The following CDH13 variants were observed in gnomAD, a reference collection of about 807,000 sequenced individuals.
The protein encoded by CDH13 is cadherin-13.
CDH13 carries 24 observed loss-of-function variants against 63.8 expected under a neutral mutation model. That is an observed-to-expected ratio of 0.38 (90% CI 0.27 to 0.53). The LOEUF (loss-of-function observed/expected upper bound fraction) is 0.53, where lower values mean the gene tolerates loss of function less well. CDH13 is among the 20% of genes least tolerant of loss of function. The pLI, the probability that CDH13 is intolerant of heterozygous loss-of-function variation, is 0.85. For synonymous variants in CDH13, 503 were observed against 355.3 expected, an observed-to-expected ratio of 1.42 and a Z score of -4.67; for missense variants, 1,049 against 903.1, an observed-to-expected ratio of 1.16 and a Z score of -2.07.
chr16:82,962,198 T>C (rs1439695423), intron 2 of CDH13, among the ~76,000 whole-genome samples: 2 of 152,180 alleles, frequency 1.3e-5, no homozygotes, highest in East Asian at 1.9e-4. Flanking sequence ...CAAGTGGCCT[T>C]GTAAGAGTCA....
chr16:83,382,498 A>G (rs75903166), intron 6 of CDH13, among the ~76,000 whole-genome samples: 16,447 of 152,076 alleles, frequency 0.11, 1,169 homozygotes, highest in Non-Finnish European at 0.16. Flanking sequence ...GTATGTATCT[A>G]TGTGATGTCC....
chr16:83,746,857 A>C (rs936273209), intron 10 of CDH13, among the ~76,000 whole-genome samples: 3 of 152,142 alleles, frequency 2.0e-5, no homozygotes, highest in Non-Finnish European at 4.4e-5. Context: ...ATTATTTCTT[A>C]CTCTATGCAT....
At chr16:83,135,037 G>T (rs1315987369) in intron 4 of CDH13, among the ~76,000 whole-genome samples, 1 of 152,186 alleles carries the variant, frequency 6.6e-6, no homozygotes. Flanking sequence ...AGGCATTTCA[G>T]CTTGAATTAG....
chr16:82,739,142 C>G lies in CDH13; in HGVS notation c.45+112005C>G, dbSNP rs972701252. 2.0e-4 allele frequency among the ~76,000 whole-genome samples: 31 copies of G among 152,196 alleles called. 1 individual carries two copies. The highest frequency in any genetic ancestry group is 1.8e-3 in the Admixed American group (28 of 15,278). On this transcript the variant is annotated intron_variant, in intron 1 of 13. Coordinates refer to ENST00000567109, the MANE Select transcript of CDH13 (RefSeq NM_001257.5). The stretch of plus-strand genomic sequence containing the variant: ...TCATTCTTTAGTTAGAATTGCATAA[C>G]ATTTTATTCTTTACAATAAAGATAA...
intron 6 of CDH13, among the ~76,000 whole-genome samples, chr16:83,360,428 C>A (rs2091139914): frequency 6.6e-6 from 1 of 151,946 alleles, no homozygotes; most frequent in South Asian, 2.1e-4. Context: ...TTGATTGTTT[C>A]ATGGTAGATC....
At chr16:83,217,265 T>A in intron 4 of CDH13, 80 bp from the exon 5 acceptor site, 1 of 1,415,170 alleles carries the variant, frequency 7.1e-7, no homozygotes, top group Non-Finnish European at 9.9e-7. Context: ...ATTAGTGAAT[T>A]GCTCATGGGA....
intron 3 of CDH13, among the ~76,000 whole-genome samples, chr16:83,033,025 C>T (rs751245742): frequency 6.6e-6 from 1 of 151,970 alleles, no homozygotes; most frequent in Non-Finnish European, 1.5e-5. Context: ...GTATATGGTG[C>T]TGTATGTGTA....
intron 6 of CDH13, among the ~76,000 whole-genome samples, chr16:83,405,749 A>G (rs897023920): frequency 1.3e-5 from 2 of 152,222 alleles, no homozygotes; most frequent in African/African-American, 4.8e-5. Flanking sequence ...GTGCCATGTT[A>G]TCTAATTTTT....
At chr16:83,016,624 G>A (rs1238818985) in intron 2 of CDH13, among the ~76,000 whole-genome samples, 1 of 152,100 alleles carries the variant, frequency 6.6e-6, no homozygotes, top group Non-Finnish European at 1.5e-5. Context: ...TCAAAGCCTT[G>A]TGCATTCCCT....
chr16:83,467,723 G>A (rs112013695), intron 6 of CDH13, among the ~76,000 whole-genome samples: 3 of 152,124 alleles, frequency 2.0e-5, no homozygotes, highest in Non-Finnish European at 4.4e-5. Context: ...CAGCCCCCAA[G>A]CAGAGATGCT....
At chr16:82,802,485 C>G (rs2036915002) in intron 1 of CDH13, among the ~76,000 whole-genome samples, 1 of 152,158 alleles carries the variant, frequency 6.6e-6, no homozygotes, top group Non-Finnish European at 1.5e-5. Flanking sequence ...CTCCTTTTCT[C>G]TGGTGGTGCT....
At chr16:83,732,805 A>C (rs1389598951) in intron 10 of CDH13, among the ~76,000 whole-genome samples, 1 of 152,310 alleles carries the variant, frequency 6.6e-6, no homozygotes, top group Middle Eastern at 3.4e-3. Flanking sequence ...TGCACTTGTC[A>C]TCACAGAGCC....
intron 2 of CDH13, among the ~76,000 whole-genome samples, chr16:82,910,611 T>C (rs2041800883): frequency 6.6e-6 from 1 of 152,180 alleles, no homozygotes; most frequent in Admixed American, 6.5e-5. Context: ...TGTTGGAAAA[T>C]TCGTTCTGTC....
At chr16:83,362,433 C>G (rs1597833592) in intron 6 of CDH13, among the ~76,000 whole-genome samples, 1 of 152,208 alleles carries the variant, frequency 6.6e-6, no homozygotes, top group Admixed American at 6.5e-5. Context: ...GTCTTTATCT[C>G]TTTTTGCCCT....
chr16:83,264,625 T>A (rs191661860), intron 5 of CDH13, among the ~76,000 whole-genome samples: 1 of 151,934 alleles, frequency 6.6e-6, no homozygotes, highest in Non-Finnish European at 1.5e-5. Context: ...CTTTTAAGGT[T>A]CTTTTTGATT....
intron 3 of CDH13, among the ~76,000 whole-genome samples, chr16:83,116,688 A>T (rs2035314453): frequency 6.6e-6 from 1 of 152,242 alleles, no homozygotes; most frequent in African/African-American, 2.4e-5. Flanking sequence ...TTCTAAAATT[A>T]TATGTGGTGA....
intron 10 of CDH13, among the ~76,000 whole-genome samples, chr16:83,736,072 C>G (rs1015329780): frequency 3.3e-5 from 5 of 152,166 alleles, no homozygotes; most frequent in Non-Finnish European, 1.5e-5. Flanking sequence ...ATTTCTGCTG[C>G]TTAGAAAAAG....
intron 1 of CDH13, among the ~76,000 whole-genome samples, chr16:82,792,333 A>G (rs1348204148): frequency 1.3e-5 from 2 of 152,192 alleles, no homozygotes; most frequent in African/African-American, 4.8e-5. Flanking sequence ...TACAAGGTAA[A>G]AAACACACTA....
chr16:83,715,876 G>C (rs1908822450), intron 10 of CDH13, among the ~76,000 whole-genome samples: 1 of 152,146 alleles, frequency 6.6e-6, no homozygotes, highest in Non-Finnish European at 1.5e-5. Context: ...AAGACGAAAT[G>C]CCTTCCTGGG....
Sources: allele counts gnomAD v4.1 joint callset (sites outside exome capture counted in the v4.1 genomes callset), GRCh38; gene constraint gnomAD v4.1.1; transcripts MANE v1.5; gene names NCBI Gene and HGNC (gene_info 2026-07-23, HGNC 2026-07-21).